FBN2: variants seen among roughly 807,000 people sequenced by gnomAD.
The protein encoded by FBN2 is fibrillin-2.
A neutral mutation model predicts 355.6 loss-of-function variants in FBN2; 105 were observed. The ratio of observed to expected loss-of-function variants is 0.30; its 90% CI spans 0.25 to 0.35. The LOEUF is 0.35. Ranked by LOEUF, FBN2 falls within the 10% of genes least tolerant of loss-of-function variation. FBN2 has a pLI of 1.00. For missense variants in FBN2, 3,280 were observed against 3,758.7 expected (o/e 0.87, Z 3.33); for synonymous variants, 1,350 against 1,301.2 (o/e 1.04, Z -0.81).
At chr5:128,345,214 G>A (rs574270256) in intron 24 of FBN2, 143 bp downstream of exon 24, 2 of 742,216 alleles carry the variant, frequency 2.7e-6, no homozygotes, top group Admixed American at 2.0e-5. Context: ...ATACTCTTGG[G>A]ACAGAACATT....
chr5:128,434,224 G>T (rs1753708569), intron 7 of FBN2, among the ~76,000 whole-genome samples: 1 of 151,202 alleles, frequency 6.6e-6, no homozygotes, highest in African/African-American at 2.4e-5. Context: ...AAGATAAGGG[G>T]ATTTAGTCTG....
intron 18 of FBN2, among the ~76,000 whole-genome samples, chr5:128,362,127 T>C (rs1751654043): frequency 6.6e-6 from 1 of 152,204 alleles, no homozygotes; most frequent in Non-Finnish European, 1.5e-5. Flanking sequence ...TTTAGTCCTG[T>C]AATGATATTA....
chr5:128,311,747 A>G, intron 38 of FBN2, 138 bp downstream of exon 38: 2 of 724,676 alleles, frequency 2.8e-6, no homozygotes, highest in Non-Finnish European at 2.5e-6. Context: ...GTAGTTTAAC[A>G]TTTTAGTAAT....
Position 128,289,872 on chromosome 5 carries a change from C to T in FBN2, c.6511+10G>A. On this transcript the variant is annotated intron_variant, in intron 51 of 64. Coordinates refer to ENST00000262464, the MANE Select transcript of FBN2 (RefSeq NM_001999.4). Reference sequence around the variant, plus strand: ...ATAAGAATATAGGAATAAAATATATCAAAGCGTACCTTCACGTGTATCATG... The same window carrying T: ...ATAAGAATATAGGAATAAAATATATTAAAGCGTACCTTCACGTGTATCATG... 1 of 1,520,832 alleles carries T rather than the reference C, an allele frequency of 6.6e-7. No homozygotes were observed. Among genetic ancestry groups the T allele is most frequent in the South Asian group, 1.1e-5 (1 of 88,724 alleles). 94.2% of individuals were successfully genotyped at this position (1,520,832 alleles called of 1,614,324 possible). A position where few individuals can be genotyped will look rare whatever the true frequency, so the allele number is the denominator to read the frequency against.
chr5:128,261,643 A>G, intron 64 of FBN2, 93 bp downstream of exon 64: 1 of 1,094,510 alleles, frequency 9.1e-7, no homozygotes, highest in Non-Finnish European at 1.4e-6. Context: ...GGTATGATTA[A>G]CTTCAGTGAG....
rs143067874 is a variant in FBN2 at position 128,282,949 on chromosome 5, C to T, written c.7013-2632G>A. On this transcript the variant is annotated intron_variant, in intron 55 of 64. Coordinates refer to ENST00000262464, the MANE Select transcript of FBN2 (RefSeq NM_001999.4). ...AATCTCAAATGGGTACATGATCCTC[C>T]GTCAACAATCCTACTATACTTCTTA... Among the ~76,000 whole-genome samples, 22 of 152,248 alleles carry T rather than the reference C, an allele frequency of 1.4e-4. No homozygotes were observed. In the East Asian group the frequency reaches 3.1e-3, roughly 21 times the overall value.
chr5:128,274,232 T>A (rs554656084), intron 60 of FBN2, among the ~76,000 whole-genome samples: 1 of 152,166 alleles, frequency 6.6e-6, no homozygotes, highest in African/African-American at 2.4e-5. Context: ...TCTTCTAAAA[T>A]AAAAGCTCAA....
At chr5:128,263,710 C>T (rs1423244224) in intron 62 of FBN2, 54 bp from the exon 63 acceptor site, 5 of 1,328,280 alleles carry the variant, frequency 3.8e-6, no homozygotes, top group Admixed American at 1.8e-5. Context: ...AGAGCAAAAA[C>T]GTGAACAAGT....
rs191552153 is a variant in FBN2 at position 128,300,096 on chromosome 5, A to G, written c.6166+721T>C. On this transcript the variant is annotated intron_variant, in intron 48 of 64. Transcript: ENST00000262464. ...GTAGAATGACATATCTTTAGGTAGA[A>G]TCTTGCCAAGGGCGATAGAATTGGA... Among the ~76,000 whole-genome samples, 975 of 152,344 alleles carry G rather than the reference A, an allele frequency of 6.4e-3. 15 individuals carry two copies. The highest frequency in any genetic ancestry group is 9.4e-3 in the Non-Finnish European group (637 of 68,032).
intron 16 of FBN2, 62 bp from the exon 17 acceptor site, chr5:128,366,492 C>T (rs967965202): frequency 1.6e-5 from 15 of 948,464 alleles, no homozygotes; most frequent in Non-Finnish European, 2.1e-5. Flanking sequence ...ATATACAAGT[C>T]ATTTCATAAC....
rs185403418 is a variant in FBN2 at position 128,390,575 on chromosome 5, A to G, written c.1603+1443T>C. On this transcript the variant is annotated intron_variant, in intron 11 of 64. Transcript: ENST00000262464. Reference sequence around the variant, plus strand: ...TAATAATCTTGGCCCTTGAATATACATTTTTAAAATACTTCTGTGACAAAA... The same window carrying G: ...TAATAATCTTGGCCCTTGAATATACGTTTTTAAAATACTTCTGTGACAAAA... Among the ~76,000 whole-genome samples, 254 of 152,312 alleles carry G rather than the reference A, an allele frequency of 1.7e-3. 1 individual carries two copies. The highest frequency in any genetic ancestry group is 2.9e-3 in the Non-Finnish European group (198 of 68,016).
chr5:128,472,947 T>A (rs1754906076), intron 5 of FBN2, among the ~76,000 whole-genome samples: 1 of 152,260 alleles, frequency 6.6e-6, no homozygotes, highest in South Asian at 2.1e-4. Flanking sequence ...AAAAATAAAC[T>A]GAGTATTTTT....
intron 16 of FBN2, among the ~76,000 whole-genome samples, chr5:128,368,709 A>G (rs331099): frequency 0.28 from 41,638 of 150,978 alleles, 6,696 homozygotes; most frequent in Admixed American, 0.4. Flanking sequence ...TCGCTCTGTT[A>G]CTCAGGCTGG....
chr5:128,282,107 C>T (rs1278790468), intron 55 of FBN2, among the ~76,000 whole-genome samples: 1 of 152,106 alleles, frequency 6.6e-6, no homozygotes, highest in African/African-American at 2.4e-5. Context: ...CCTTAGAATG[C>T]TTTCAAAATA....
intron 57 of FBN2, 101 bp downstream of exon 57, chr5:128,278,534 A>T (rs886495274): frequency 2.0e-6 from 2 of 984,202 alleles, no homozygotes; most frequent in Non-Finnish European, 3.2e-6. Flanking sequence ...CATTTTAGCT[A>T]CTCTTTTGAT....
chr5:128,260,857 T>G (rs1764947447), intron 64 of FBN2, among the ~76,000 whole-genome samples: 1 of 152,168 alleles, frequency 6.6e-6, no homozygotes, highest in Non-Finnish European at 1.5e-5. Flanking sequence ...GGTGGGGTAA[T>G]TTCTCAGTCA....
chr5:128,442,943 C>T (rs1753961758), intron 7 of FBN2, among the ~76,000 whole-genome samples: 1 of 152,140 alleles, frequency 6.6e-6, no homozygotes, highest in Non-Finnish European at 1.5e-5. Flanking sequence ...ATGTTTCAAA[C>T]ATTAAGTTAG....
At chr5:128,424,484 T>C (rs1270304775) in intron 7 of FBN2, among the ~76,000 whole-genome samples, 1 of 152,184 alleles carries the variant, frequency 6.6e-6, no homozygotes, top group Non-Finnish European at 1.5e-5. Context: ...ACAAGGGTTA[T>C]GCAGAGGATG....
chr5:128,289,842 A>G (rs1749271548), intron 51 of FBN2, 40 bp downstream of exon 51: 1 of 1,150,874 alleles, frequency 8.7e-7, no homozygotes, highest in African/African-American at 1.5e-5. Flanking sequence ...ATACGTGTGT[A>G]TTAAATAAGA....
Sources: gnomAD v4.1 joint callset for allele counts (sites outside exome capture counted in the v4.1 genomes callset) on GRCh38, gnomAD v4.1.1 for gene constraint, MANE v1.5 for transcripts, NCBI Gene and HGNC (gene_info 2026-07-23, HGNC 2026-07-21) for gene names.